The following AUTS2 variants were observed in gnomAD, a reference collection of about 807,000 sequenced individuals.
AUTS2 encodes the protein activator of transcription and developmental regulator AUTS2, also known as autism susceptibility gene 2 protein.
In AUTS2, 17 loss-of-function variants were observed where a neutral mutation model predicts 112.4. That is an observed-to-expected ratio of 0.15 (90% CI 0.10 to 0.23). AUTS2 has a LOEUF of 0.23. AUTS2 is among the 10% of genes least tolerant of loss of function. AUTS2 has a pLI of 1.00. For missense variants in AUTS2, 1,510 were observed against 1,701.6 expected, an observed-to-expected ratio of 0.89 and a Z score of 1.98; for synonymous variants, 751 against 702.7, an observed-to-expected ratio of 1.07 and a Z score of -1.09.
At chr7:70,718,159 G>T (rs1014929887) in intron 6 of AUTS2, among the ~76,000 whole-genome samples, 23 of 152,138 alleles carry the variant, frequency 1.5e-4, no homozygotes, top group African/African-American at 5.6e-4. Flanking sequence ...AAGTGATGAA[G>T]TCACCTGTGG....
chr7:70,189,771 A>C (rs977720462), intron 4 of AUTS2, among the ~76,000 whole-genome samples: 8 of 152,266 alleles, frequency 5.3e-5, no homozygotes, highest in African/African-American at 1.9e-4. Flanking sequence ...AAAGAGAATA[A>C]ATTTTGACTG....
At chr7:70,783,143 G>A (rs924974420) in intron 15 of AUTS2, 25 of 152,206 alleles carry the variant, frequency 1.6e-4, no homozygotes, top group African/African-American at 5.1e-4. Context: ...CAAAGCTCTG[G>A]TCTTCATTGA....
intron 2 of AUTS2, among the ~76,000 whole-genome samples, chr7:70,028,313 G>A (rs1584602624): frequency 6.6e-6 from 1 of 152,114 alleles, no homozygotes; most frequent in Non-Finnish European, 1.5e-5. Flanking sequence ...TGTCACCCTG[G>A]CAGTTTCATA....
At chr7:70,780,539 C>T (rs542451331) in intron 14 of AUTS2, among the ~76,000 whole-genome samples, 1 of 152,110 alleles carries the variant, frequency 6.6e-6, no homozygotes, top group East Asian at 1.9e-4. Context: ...CCACGCCTGG[C>T]TGATCTTTTG....
intron 2 of AUTS2, among the ~76,000 whole-genome samples, chr7:69,927,260 C>G (rs1796058405): frequency 6.7e-6 from 1 of 149,014 alleles, no homozygotes; most frequent in Non-Finnish European, 1.5e-5. Context: ...GATGTTATAT[C>G]ACTTCATGAA....
At chr7:70,428,477 T>C (rs1795521678) in intron 4 of AUTS2, among the ~76,000 whole-genome samples, 1 of 152,206 alleles carries the variant, frequency 6.6e-6, no homozygotes, top group Non-Finnish European at 1.5e-5. Flanking sequence ...AGGTGAGGGA[T>C]GTCTTTAAGG....
At chr7:69,730,160 T>C (rs1343956338) in intron 1 of AUTS2, among the ~76,000 whole-genome samples, 1 of 151,936 alleles carries the variant, frequency 6.6e-6, no homozygotes, top group Non-Finnish European at 1.5e-5. Flanking sequence ...CTCTTTGTGA[T>C]ATTTGTCATG....
At chr7:70,172,355 T>A (rs938260981) in intron 4 of AUTS2, among the ~76,000 whole-genome samples, 3 of 152,218 alleles carry the variant, frequency 2.0e-5, no homozygotes, top group African/African-American at 7.2e-5. Context: ...TTTGCAAGGT[T>A]TCTGTAAGGT....
At chr7:70,588,446 G>C (rs1349541571) in intron 5 of AUTS2, among the ~76,000 whole-genome samples, 2 of 152,176 alleles carry the variant, frequency 1.3e-5, no homozygotes, top group African/African-American at 4.8e-5. Flanking sequence ...AGGAGCTGCA[G>C]CACTTGAATT....
At chr7:69,644,517 T>G (rs1325719087) in intron 1 of AUTS2, among the ~76,000 whole-genome samples, 1 of 152,026 alleles carries the variant, frequency 6.6e-6, no homozygotes, top group Non-Finnish European at 1.5e-5. Context: ...AAAAAAAACT[T>G]TTAAAGTTTT....
intron 6 of AUTS2, among the ~76,000 whole-genome samples, chr7:70,749,808 A>G (rs995409259): frequency 6.6e-6 from 1 of 152,226 alleles, no homozygotes; most frequent in Admixed American, 6.5e-5. Context: ...GATAGTAGAT[A>G]TTACCCAAGG....
intron 1 of AUTS2, among the ~76,000 whole-genome samples, chr7:69,601,958 A>G (rs1160782399): frequency 6.6e-6 from 1 of 151,342 alleles, no homozygotes; most frequent in Non-Finnish European, 1.5e-5. Context: ...CTCAGCAATC[A>G]AGAGGGGCCA....
chr7:70,559,435 A>T (rs1801389988), intron 5 of AUTS2, among the ~76,000 whole-genome samples: 1 of 151,762 alleles, frequency 6.6e-6, no homozygotes, highest in Non-Finnish European at 1.5e-5. Context: ...CCCGGGTTCA[A>T]GCAATTCTCC....
intron 4 of AUTS2, among the ~76,000 whole-genome samples, chr7:70,258,616 A>G (rs1248904264): frequency 6.6e-6 from 1 of 152,202 alleles, no homozygotes; most frequent in Non-Finnish European, 1.5e-5. Context: ...TCTAAGGACT[A>G]TCTTACTACC....
chr7:70,373,710 C>T (rs1229393870), intron 4 of AUTS2, among the ~76,000 whole-genome samples: 1 of 152,112 alleles, frequency 6.6e-6, no homozygotes, highest in Non-Finnish European at 1.5e-5. Flanking sequence ...TACTTTTTTT[C>T]TCATTACAAA....
chr7:70,223,139 G>A (rs1476847145), intron 4 of AUTS2, among the ~76,000 whole-genome samples: 1 of 151,932 alleles, frequency 6.6e-6, no homozygotes, highest in Non-Finnish European at 1.5e-5. Context: ...CTCCTGCCTT[G>A]GCCTCCCAAA....
At chr7:70,677,581 G>A (rs146253048) in intron 5 of AUTS2, among the ~76,000 whole-genome samples, 63 of 152,116 alleles carry the variant, frequency 4.1e-4, no homozygotes, top group African/African-American at 1.3e-3. Context: ...TTTTCCTCGA[G>A]TCACTTTTCC....
intron 2 of AUTS2, among the ~76,000 whole-genome samples, chr7:70,091,038 G>A (rs1803891321): frequency 6.6e-6 from 1 of 152,154 alleles, no homozygotes; most frequent in African/African-American, 2.4e-5. Flanking sequence ...TTGTATATCT[G>A]AAAACATCTT....
At chr7:70,776,835 C>T (rs1279550413) in intron 13 of AUTS2, 1 of 486,070 alleles carries the variant, frequency 2.1e-6, no homozygotes, top group Non-Finnish European at 3.7e-6. Flanking sequence ...CAGGCTTTTG[C>T]CGTCTTGTCC....
Sources: allele counts gnomAD v4.1 joint callset (sites outside exome capture counted in the v4.1 genomes callset), GRCh38; gene constraint gnomAD v4.1.1; transcripts MANE v1.5; gene names NCBI Gene and HGNC (gene_info 2026-07-23, HGNC 2026-07-21).